The following EML6 variants were observed in gnomAD, a reference collection of about 807,000 sequenced individuals.
EML6 encodes echinoderm microtubule-associated protein-like 6.
A neutral mutation model predicts 240.1 loss-of-function variants in EML6; 154 were observed. That is an observed-to-expected ratio of 0.64 (90% CI 0.56 to 0.73). The LOEUF (loss-of-function observed/expected upper bound fraction) is 0.73, where lower values mean the gene tolerates loss of function less well. Ranked by LOEUF, EML6 falls within the 30% of genes least tolerant of loss-of-function variation. The pLI is 0.00. For synonymous variants in EML6, 1,148 were observed against 899.0 expected, an observed-to-expected ratio of 1.28 and a Z score of -4.95; for missense variants, 2,964 against 2,474.6, an observed-to-expected ratio of 1.20 and a Z score of -4.20.
At chr2:54,949,342 G>A (rs1007926326) in intron 29 of EML6, among the ~76,000 whole-genome samples, 2 of 152,142 alleles carry the variant, frequency 1.3e-5, no homozygotes, top group Non-Finnish European at 2.9e-5. Flanking sequence ...CCTGAGCCCC[G>A]ACTGTTTGCC....
At chr2:54,775,677 A>G (rs560458867) in intron 2 of EML6, among the ~76,000 whole-genome samples, 22 of 152,276 alleles carry the variant, frequency 1.4e-4, no homozygotes, top group South Asian at 2.1e-4. Context: ...GCTTATTGCT[A>G]TATCCCCAGG....
chr2:54,903,013 T>C, intron 22 of EML6, 31 bp from the exon 23 acceptor site: 2 of 1,544,794 alleles, frequency 1.3e-6, no homozygotes, highest in Non-Finnish European at 1.7e-6. Flanking sequence ...AAGTTTTGGA[T>C]AATAAGTGTT....
At chr2:54,928,246 A>G (rs929672737) in intron 26 of EML6, 67 bp from the exon 27 acceptor site, 9 of 1,223,244 alleles carry the variant, frequency 7.4e-6, no homozygotes, top group East Asian at 2.5e-5. Context: ...AGAAACTAAC[A>G]TGGATAAACG....
chr2:54,781,022 T>G (rs1439297899), intron 2 of EML6, among the ~76,000 whole-genome samples: 3 of 152,234 alleles, frequency 2.0e-5, no homozygotes, highest in Non-Finnish European at 4.4e-5. Context: ...TGGTTTTCTG[T>G]ATAAGAGGAT....
intron 28 of EML6, among the ~76,000 whole-genome samples, chr2:54,943,439 G>GA (rs139873620): frequency 2.6e-5 from 4 of 151,384 alleles, no homozygotes; most frequent in Non-Finnish European, 4.4e-5. Flanking sequence ...CTCTCCTCAG[G>GA]AAAAAAAACA....
intron 11 of EML6, among the ~76,000 whole-genome samples, chr2:54,857,019 A>G: frequency 6.6e-6 from 1 of 151,538 alleles, no homozygotes; most frequent in East Asian, 1.9e-4. Context: ...GAATAGAGGA[A>G]AAGAAAGTAA....
intron 3 of EML6, among the ~76,000 whole-genome samples, chr2:54,816,365 G>T (rs966601391): frequency 6.6e-6 from 1 of 152,060 alleles, no homozygotes; most frequent in African/African-American, 2.4e-5. Flanking sequence ...TATTCTATTC[G>T]TCAAACCCTT....
chr2:54,803,126 A>G (rs932922341), intron 2 of EML6, among the ~76,000 whole-genome samples: 1 of 152,194 alleles, frequency 6.6e-6, no homozygotes, highest in Non-Finnish European at 1.5e-5. Flanking sequence ...GGGAGAGGAA[A>G]AAGATGAAAC....
intron 2 of EML6, among the ~76,000 whole-genome samples, chr2:54,811,434 C>G (rs1266487111): frequency 2.0e-5 from 3 of 152,204 alleles, no homozygotes; most frequent in Admixed American, 1.3e-4. Context: ...CGTGTCTTCC[C>G]TAATGTCCTG....
intron 28 of EML6, among the ~76,000 whole-genome samples, chr2:54,931,114 T>C (rs923354309): frequency 6.4e-4 from 97 of 151,674 alleles, no homozygotes; most frequent in African/African-American, 1.4e-3. Flanking sequence ...CCCGCCACCA[T>C]GCCCGGCTAA....
chr2:54,833,331 G>A (rs189171453), intron 7 of EML6, among the ~76,000 whole-genome samples: 1 of 152,236 alleles, frequency 6.6e-6, no homozygotes, highest in African/African-American at 2.4e-5. Flanking sequence ...TGCAAGATTG[G>A]CATACATTTG....
At position 54,859,665 on chromosome 2, in the gene EML6, G is replaced by A. The variant is rs1229141504; in HGVS notation, c.1789G>A (p.Gly597Ser). Residue 597 changes from glycine to serine, a missense_variant, in exon 12 of 42, where the codon GGT (glycine) becomes AGT (serine). Physicochemically the swap from Gly to Ser is moderately conservative, Grantham distance 56. Coordinates refer to ENST00000356458, the MANE Select transcript of EML6 (RefSeq NM_001039753.4). ...SVFQWRFIPEGVSNGMLETAP... is the reference protein window; with the variant it reads ...SVFQWRFIPESVSNGMLETAP... ...TTTCCAGTGGAGGTTTATTCCAGAA[G>A]GTGTCAGCAACGGCATGCTGGAAAC... is the stretch of plus-strand genomic sequence containing the variant. 3 of 1,548,710 alleles carry A rather than the reference G, an allele frequency of 1.9e-6. No individual in the cohort carries two copies. In the African/African-American group the frequency reaches 4.1e-5, roughly 21 times the overall value.
chr2:54,821,491 T>TA (rs1250868859), intron 5 of EML6, among the ~76,000 whole-genome samples: 2 of 152,158 alleles, frequency 1.3e-5, no homozygotes, highest in Non-Finnish European at 2.9e-5. Flanking sequence ...GAAATGCAGT[T>TA]AAAATCCCTA....
intron 35 of EML6, among the ~76,000 whole-genome samples, chr2:54,960,635 C>T (rs927914166): frequency 1.3e-5 from 2 of 152,012 alleles, no homozygotes; most frequent in African/African-American, 4.8e-5. Context: ...GCATATAGTC[C>T]CATTCAGGAG....
chr2:54,955,961 G>A (rs943245029), intron 32 of EML6, among the ~76,000 whole-genome samples: 15 of 152,142 alleles, frequency 9.9e-5, no homozygotes, highest in Non-Finnish European at 1.8e-4. Context: ...TACATTTTAT[G>A]TATCACTAGA....
rs1169316306 is a variant in EML6, at chr2:54,892,639, A to G, written c.2725A>G (p.Met909Val). The change falls in exon 19 of 42, where the codon ATG becomes GTG. Residue 909 changes from methionine (M) to valine (V), a missense_variant. Transcript: ENST00000356458. ...AGCTCATGATGGGCCTGTGTTTGCTATGTATGCACTGGATAAGGTATGGCC... is the reference window on the plus strand; with the variant it reads ...AGCTCATGATGGGCCTGTGTTTGCTGTGTATGCACTGGATAAGGTATGGCC... Reference protein sequence around the residue: ...VKAHDGPVFAMYALDKGFVTG... With the variant: ...VKAHDGPVFAVYALDKGFVTG... The G allele has an allele frequency of 5.8e-6, 9 of 1,551,410 alleles. No homozygotes were observed. Among genetic ancestry groups the G allele is most frequent in the Non-Finnish European group, 6.1e-6 (7 of 1,146,700 alleles).
chr2:54,816,814 A>G lies in EML6; in HGVS notation c.385A>G (p.Lys129Glu). 1.3e-6 allele frequency: 2 copies of G among 1,550,168 alleles called. No homozygotes were observed. Among genetic ancestry groups the G allele is most frequent in the Non-Finnish European group, 1.7e-6 (2 of 1,145,754 alleles). Residue 129 changes from lysine to glutamate, a missense_variant, in exon 4 of 42, where the codon AAA (lysine) becomes GAA (glutamate). Transcript: ENST00000356458. ...QRLASVGLDA[K>E]NTVCIWDWRK... The stretch of plus-strand genomic sequence containing the variant: ...TTTAGCCTCTGTGGGGTTGGATGCC[A>G]AAAACACAGTCTGCATTTGGGACTG...
intron 7 of EML6, among the ~76,000 whole-genome samples, chr2:54,842,013 C>T (rs1199485021): frequency 6.6e-6 from 1 of 152,148 alleles, no homozygotes; most frequent in Non-Finnish European, 1.5e-5. Context: ...GCTTCCCTCA[C>T]TATCAATGTG....
At chr2:54,859,433 T>G in intron 11 of EML6, 101 bp from the exon 12 acceptor site, 1 of 877,228 alleles carries the variant, frequency 1.1e-6, no homozygotes, top group Non-Finnish European at 1.8e-6. Flanking sequence ...TTCAGATATA[T>G]TTAAAGATTT....
Sources: gnomAD v4.1 joint callset for allele counts (sites outside exome capture counted in the v4.1 genomes callset) on GRCh38, gnomAD v4.1.1 for gene constraint, MANE v1.5 for transcripts, NCBI Gene and HGNC (gene_info 2026-07-23, HGNC 2026-07-21) for gene names.